Variants in FCER2 observed in about 807,000 individuals in gnomAD.
FCER2 encodes the protein low affinity immunoglobulin epsilon Fc receptor.
A neutral mutation model predicts 49.7 loss-of-function variants in FCER2; 38 were observed. The observed-to-expected ratio is 0.76, with a 90% CI of 0.59 to 1.00. FCER2 has a LOEUF of 1.00. Among genes scored for constraint, FCER2 ranks in the 50% least tolerant of loss-of-function variants. The pLI, the probability that FCER2 is intolerant of heterozygous loss-of-function variation, is 0.00. For synonymous variants in FCER2, 163 were observed against 164.6 expected, an observed-to-expected ratio of 0.99 and a Z score of 0.07; for missense variants, 425 against 419.5, an observed-to-expected ratio of 1.01 and a Z score of -0.11.
Position 7,695,455 on chromosome 19 carries a change from C to T in FCER2, c.469+1370G>A, listed in dbSNP as rs867571526. The stretch of plus-strand genomic sequence containing the variant: ...AGAGGAAAAAAATTGTAGGAGTCTC[C>T]AAATCTGTGAAAGGACACAGTTGGA... On this transcript the variant is annotated intron_variant, in intron 8 of 10. Transcript: ENST00000597921. 2.0e-5 allele frequency among the ~76,000 whole-genome samples: 3 copies of T among 152,216 alleles called. No individual in the cohort carries two copies. The South Asian group carries it at 6.2e-4, about 32-fold the overall frequency.
intron 6 of FCER2, 28 bp downstream of exon 6, chr19:7,697,208 C>T: frequency 6.2e-7 from 1 of 1,613,262 alleles, no homozygotes; most frequent in South Asian, 1.1e-5. Flanking sequence ...CCCAATCTGG[C>T]TTCATAACCC....
At chr19:7,689,698 C>T (rs541296998) in intron 10 of FCER2, among the ~76,000 whole-genome samples, 1 of 152,278 alleles carries the variant, frequency 6.6e-6, no homozygotes, top group Admixed American at 6.5e-5. Context: ...CAGCTCACTG[C>T]AACCTCCGCC....
intron 1 of FCER2, chr19:7,700,148 C>G: frequency 4.4e-6 from 1 of 227,704 alleles, no homozygotes; most frequent in Non-Finnish European, 8.7e-6. Context: ...AATGATGATA[C>G]CAAGAACACC....
In FCER2 at chr19:7,698,424, A is replaced by G; in HGVS notation, c.137-15T>C. On this transcript the variant is annotated splice_polypyrimidine_tract_variant and intron_variant, in intron 3 of 10. Transcript: ENST00000597921. ...GGTGTCCCAGTCTGGGGAGGGGGAG[A>G]GAAGAGGAGTGGAGAGGGGGGATTG... is the stretch of plus-strand genomic sequence containing the variant. The G allele has an allele frequency of 6.2e-7, 1 of 1,602,986 alleles. No individual in the cohort carries two copies. Among genetic ancestry groups the G allele is most frequent in the Non-Finnish European group, 8.5e-7 (1 of 1,172,784 alleles).
chr19:7,689,780 T>C (rs2032808427), intron 10 of FCER2, among the ~76,000 whole-genome samples: 1 of 152,052 alleles, frequency 6.6e-6, no homozygotes. Flanking sequence ...CCATCATGAC[T>C]GGCTAATTTC....
intron 2 of FCER2, 109 bp downstream of exon 2, chr19:7,699,630 C>A: frequency 7.7e-7 from 1 of 1,297,322 alleles, no homozygotes; most frequent in Non-Finnish European, 1.1e-6. Flanking sequence ...CTTAGAAATT[C>A]ACCCTCTTTC....
chr19:7,697,229 C>T lies in FCER2; in HGVS notation c.316+7G>A, dbSNP rs765140667. ...CTGGCTTCATAACCCCGATCCCAGTCTCTCACCCTGAGATTTCAATCTCTG... is the reference window on the plus strand; with the variant it reads ...CTGGCTTCATAACCCCGATCCCAGTTTCTCACCCTGAGATTTCAATCTCTG... On this transcript the variant is annotated splice_region_variant and intron_variant, in intron 6 of 10. Coordinates refer to ENST00000597921, the MANE Select transcript of FCER2 (RefSeq NM_001220500.2). The T allele has an allele frequency of 6.2e-7, 1 of 1,614,014 alleles. No individual in the cohort carries two copies. Among genetic ancestry groups the T allele is most frequent in the Admixed American group, 1.7e-5 (1 of 60,020 alleles).
At position 7,697,261 on chromosome 19, in the gene FCER2, A is replaced by G. The variant is rs763027862; in HGVS notation, c.291T>C (p.Ala97=). 1.2e-6 allele frequency: 2 copies of G among 1,614,120 alleles called. No individual in the cohort carries two copies. The highest frequency in any genetic ancestry group is 1.7e-6 in the Non-Finnish European group (2 of 1,180,018). ...CCTGAGATTTCAATCTCTGCTGTTC[A>G]GCTCGAAGTTCCTCCAGTTCCTGTG... ...QISQELEELR[A]EQQRLKSQDL... is the part of the protein sequence containing the mutation. Residue 97 remains alanine (A), a synonymous_variant, in exon 6 of 11, where the codon GCT becomes GCC. Coordinates refer to ENST00000597921, the MANE Select transcript of FCER2 (RefSeq NM_001220500.2).
At chr19:7,698,889 G>A (rs1489910219) in intron 2 of FCER2, 35 bp from the exon 3 acceptor site, 2 of 1,550,432 alleles carry the variant, frequency 1.3e-6, no homozygotes, top group African/African-American at 2.7e-5. Flanking sequence ...ATGGGTGCAG[G>A]GTGAAGCTGG....
rs757094618 is a variant in FCER2 at position 7,697,082 on chromosome 19, T to C, written c.317-7A>G. Reference sequence around the variant, plus strand: ...TTCCAGGACAGCTCCAAGTCTGGTGTGTGCAGGAGCGCAGGGCTGGTCTCA... The same window carrying C: ...TTCCAGGACAGCTCCAAGTCTGGTGCGTGCAGGAGCGCAGGGCTGGTCTCA... On this transcript the variant is annotated splice_region_variant and splice_polypyrimidine_tract_variant and intron_variant, in intron 6 of 10. Coordinates refer to ENST00000597921, the MANE Select transcript of FCER2 (RefSeq NM_001220500.2). 9 of 1,613,426 alleles carry C rather than the reference T, an allele frequency of 5.6e-6. No homozygotes were observed. The highest frequency in any genetic ancestry group is 3.3e-4 in the Middle Eastern group (2 of 6,078).
chr19:7,698,936 C>T (rs2033091937), intron 2 of FCER2, 82 bp from the exon 3 acceptor site: 5 of 1,443,280 alleles, frequency 3.5e-6, no homozygotes, highest in Admixed American at 4.0e-5. Flanking sequence ...ACCCAGAGCC[C>T]CCGACAGCCT....
Position 7,689,150 on chromosome 19 carries a change from G to T in FCER2, c.*43C>A. 1 of 1,370,336 alleles carries T rather than the reference G, an allele frequency of 7.3e-7. No homozygotes were observed. The highest frequency in any genetic ancestry group is 1.0e-6 in the Non-Finnish European group (1 of 964,830). 84.9% of individuals were successfully genotyped at this position (1,370,336 alleles called of 1,614,324 possible). Reference sequence around the variant, plus strand: ...ACAAAGAGGCTTTTAGGCCGTGGTTGGGGGTCTTCAGGGTCTTGCTCTGGG... The same window carrying T: ...ACAAAGAGGCTTTTAGGCCGTGGTTTGGGGTCTTCAGGGTCTTGCTCTGGG... On this transcript the variant is annotated 3_prime_UTR_variant, in exon 11 of 11. Coordinates refer to ENST00000597921, the MANE Select transcript of FCER2 (RefSeq NM_001220500.2).
Position 7,689,075 on chromosome 19 carries a change from TC to T in FCER2, c.*117del. 1.4e-6 allele frequency: 1 copy of T among 703,494 alleles called. No individual in the cohort carries two copies. Among genetic ancestry groups the T allele is most frequent in the Non-Finnish European group, 2.5e-6 (1 of 407,918 alleles). The allele number at this position is 703,494 out of a possible 1,614,324, so 43.6% of individuals were successfully genotyped here. A position where few individuals can be genotyped will look rare whatever the true frequency, so the allele number is the denominator to read the frequency against. On this transcript the variant is annotated 3_prime_UTR_variant, in exon 11 of 11. Coordinates refer to ENST00000597921, the MANE Select transcript of FCER2 (RefSeq NM_001220500.2). ...GGGCCATAGAGGAGCGGGAGATGTG[TC>T]AGCTGCCTCCGTTTGGGTGGCAGAA...
At position 7,699,449 on chromosome 19, in the gene FCER2, T is replaced by C. The variant is rs1408910490; in HGVS notation, c.22+290A>G. The C allele has an allele frequency of 2.7e-6, 4 of 1,473,292 alleles. No homozygotes were observed. The South Asian group carries it at 3.6e-5, about 13-fold the overall frequency. 91.3% of individuals were successfully genotyped at this position (1,473,292 alleles called of 1,614,324 possible). ...CTGTTCTATTTGGCCTCTGACTCTA[T>C]TGGGCTCCCCGCTCCCTAGCTGAAG... On this transcript the variant is annotated intron_variant, in intron 2 of 10. Transcript: ENST00000597921.
intron 3 of FCER2, 148 bp from the exon 4 acceptor site, chr19:7,698,557 G>A (rs1421323380): frequency 2.3e-6 from 2 of 877,034 alleles, no homozygotes; most frequent in East Asian, 2.6e-5. Flanking sequence ...TGGGTGTGGG[G>A]TGAGGGGCTC....
intron 8 of FCER2, among the ~76,000 whole-genome samples, chr19:7,692,835 A>C (rs1464226132): frequency 6.6e-6 from 1 of 152,102 alleles, no homozygotes; most frequent in Non-Finnish European, 1.5e-5. Context: ...GACCAGCAGC[A>C]CGTCAGCGGC....
chr19:7,697,170 A>T, intron 6 of FCER2, 66 bp downstream of exon 6: 1 of 1,606,372 alleles, frequency 6.2e-7, no homozygotes, highest in South Asian at 1.1e-5. Context: ...GTGGTTCCCC[A>T]GGGCTCTGAG....
rs2032847751 is a variant in FCER2 at position 7,690,844 on chromosome 19, A to G, written c.470-287T>C. ...CCTCAACTACCATCAGCATCTCCAC[A>G]AACACCTCATGGCCAGAAGCACCAC... On this transcript the variant is annotated intron_variant, in intron 8 of 10. Transcript: ENST00000597921. Among the ~76,000 whole-genome samples the G allele has an allele frequency of 5.9e-5, 9 of 152,028 alleles. No individual in the cohort carries two copies. In the South Asian group the frequency reaches 1.9e-3, roughly 32 times the overall value.
At position 7,688,924 on chromosome 19, in the gene FCER2, GT is replaced by G; in HGVS notation, c.*268del. The G allele has an allele frequency of 8.1e-6, 4 of 496,522 alleles. No individual in the cohort carries two copies. Among genetic ancestry groups the G allele is most frequent in the Admixed American group, 3.6e-5 (1 of 27,990 alleles). The allele number at this position is 496,522 out of a possible 1,614,324, so 30.8% of individuals were successfully genotyped here. On this transcript the variant is annotated 3_prime_UTR_variant, in exon 11 of 11. Coordinates refer to ENST00000597921, the MANE Select transcript of FCER2 (RefSeq NM_001220500.2). The stretch of plus-strand genomic sequence containing the variant: ...TGGGGTGTACTCTCATCTGGAGAGG[GT>G]GCTGTTGGGGTGTACTCTCATCTGG...
Sources: allele counts gnomAD v4.1 joint callset (sites outside exome capture counted in the v4.1 genomes callset), GRCh38; gene constraint gnomAD v4.1.1; transcripts MANE v1.5; gene names NCBI Gene and HGNC (gene_info 2026-07-23, HGNC 2026-07-21).